The following ABCA8 variants were observed in gnomAD, a reference collection of about 807,000 sequenced individuals.
The protein encoded by ABCA8 is ABC-type organic anion transporter ABCA8.
Under a neutral mutation model 192.3 loss-of-function variants are expected in ABCA8, and 177 were observed. The ratio of observed to expected loss-of-function variants is 0.92; its 90% CI spans 0.81 to 1.04. The LOEUF is 1.04. ABCA8 is among the 50% of genes least tolerant of loss of function. ABCA8 has a pLI of 0.00. For synonymous variants in ABCA8, 642 were observed against 690.2 expected (o/e 0.93, Z 1.09); for missense variants, 1,915 against 1,904.8 (o/e 1.01, Z -0.10).
At chr17:68,924,359 G>A (rs1293034180) in intron 11 of ABCA8, among the ~76,000 whole-genome samples, 8 of 137,000 alleles carry the variant, frequency 5.8e-5, no homozygotes, top group South Asian at 2.3e-4. Flanking sequence ...AAAAAAAAAA[G>A]GGAGATAGAT....
chr17:68,933,992 T>G (rs1325072446), intron 5 of ABCA8, among the ~76,000 whole-genome samples: 4 of 152,076 alleles, frequency 2.6e-5, no homozygotes, highest in Non-Finnish European at 5.9e-5. Context: ...AATTAGAATC[T>G]CTTGTGCACT....
chr17:68,895,018 G>A lies in ABCA8; in HGVS notation c.2765-5C>T. 1 of 1,591,384 alleles carries A rather than the reference G, an allele frequency of 6.3e-7. No individual in the cohort carries two copies. The highest frequency in any genetic ancestry group is 8.5e-7 in the Non-Finnish European group (1 of 1,171,284). On this transcript the variant is annotated splice_region_variant and splice_polypyrimidine_tract_variant and intron_variant, in intron 21 of 39. Coordinates refer to ENST00000586539, the MANE Select transcript of ABCA8 (RefSeq NM_001288985.2). ...TAAAGTCATCAATGCTTGCCCCTAA[G>A]GTGTAGTTAAAGATATTAGGTATCA...
chr17:68,919,423 G>T lies in ABCA8; in HGVS notation c.1666C>A (p.Leu556Ile), dbSNP rs781704003. Residue 556 changes from leucine to isoleucine, a missense_variant, in exon 14 of 40, where the codon CTC becomes ATC. By Grantham distance (5) the Leu-to-Ile change is conservative. Transcript: ENST00000586539. ...KLSEMADLENLSKLTGVCPQS... is the reference protein window; with the variant it reads ...KLSEMADLENISKLTGVCPQS... ...GGACAAACTCCGGTCAGCTTGCTGA[G>T]ATTTTCTAGGTCAGCCATTTCTGAA... is the stretch of plus-strand genomic sequence containing the variant. 6.2e-7 allele frequency: 1 copy of T among 1,614,020 alleles called. No individual in the cohort carries two copies. The highest frequency in any genetic ancestry group is 2.2e-5 in the East Asian group (1 of 44,872).
At chr17:68,871,093 A>G (rs1292772830) in intron 37 of ABCA8, among the ~76,000 whole-genome samples, 1 of 152,150 alleles carries the variant, frequency 6.6e-6, no homozygotes, top group African/African-American at 2.4e-5. Flanking sequence ...TATAATAAAA[A>G]TAATTTATTT....
At chr17:68,916,751 T>C (rs187942281) in intron 17 of ABCA8, among the ~76,000 whole-genome samples, 4 of 152,092 alleles carry the variant, frequency 2.6e-5, no homozygotes, top group Admixed American at 1.3e-4. Flanking sequence ...TGAGAGATGA[T>C]GAAGGTGTAA....
At chr17:68,909,548 A>G (rs1476889564) in intron 17 of ABCA8, among the ~76,000 whole-genome samples, 1 of 152,206 alleles carries the variant, frequency 6.6e-6, no homozygotes, top group East Asian at 1.9e-4. Flanking sequence ...TTATGTTTCC[A>G]TGCAGTGTGC....
rs1344089668 is a variant in ABCA8, at chr17:68,867,821, A to G, written c.*264T>C. ...AACTTATACGATCATGTAAAAGTAA[A>G]TTTATTTATTCAGTATTATACAGAA... On this transcript the variant is annotated 3_prime_UTR_variant, in exon 40 of 40. Transcript: ENST00000586539. The G allele has an allele frequency of 3.7e-5, 10 of 271,940 alleles. No homozygotes were observed. Among genetic ancestry groups the G allele is most frequent in the Admixed American group, 2.6e-4 (5 of 19,452 alleles). The allele number at this position is 271,940 out of a possible 1,614,324, so 16.8% of individuals were successfully genotyped here.
At chr17:68,904,528 G>A (rs2067011456) in intron 19 of ABCA8, among the ~76,000 whole-genome samples, 1 of 151,826 alleles carries the variant, frequency 6.6e-6, no homozygotes, top group Admixed American at 6.6e-5. Context: ...TCATCTTTAG[G>A]GACATGGCAG....
At chr17:68,922,690 T>C (rs1165955652) in intron 11 of ABCA8, among the ~76,000 whole-genome samples, 1 of 152,050 alleles carries the variant, frequency 6.6e-6, no homozygotes, top group African/African-American at 2.4e-5. Context: ...CTGGCACAGG[T>C]TGGAAAGATC....
intron 23 of ABCA8, among the ~76,000 whole-genome samples, chr17:68,893,712 T>G (rs1003067538): frequency 4.4e-5 from 6 of 137,396 alleles, no homozygotes; most frequent in African/African-American, 1.7e-4. Context: ...TTTTATTGCT[T>G]CATATTCTCT....
At chr17:68,877,474 C>T (rs376009656) in intron 33 of ABCA8, 45 bp downstream of exon 33, 16 of 1,531,002 alleles carry the variant, frequency 1.0e-5, no homozygotes, top group Non-Finnish European at 1.4e-5. Context: ...TCAACCTCCT[C>T]CACCCCTCCC....
intron 21 of ABCA8, among the ~76,000 whole-genome samples, chr17:68,900,971 C>T (rs2066894413): frequency 7.2e-6 from 1 of 139,416 alleles, no homozygotes. Flanking sequence ...TCATTTTAAA[C>T]AGCAAAATCA....
In ABCA8 at chr17:68,903,301, A is replaced by C. The variant is rs1567845108; in HGVS notation, c.2597T>G (p.Leu866Arg). The C allele has an allele frequency of 6.2e-7, 1 of 1,614,106 alleles. No individual in the cohort carries two copies. Among genetic ancestry groups the C allele is most frequent in the Admixed American group, 1.7e-5 (1 of 60,016 alleles). ...LKHERKALLA[L>R]LLILMAGFCP... is the part of the protein sequence containing the mutation. ...AACCTATGGCAACTCTGATACTTAC[A>C]GTGCTAAAAGAGCTTTTCTTTCATG... The change falls in exon 20 of 40, where the codon CTG becomes CGG. Residue 866 changes from leucine (L) to arginine (R), a missense_variant and splice_region_variant. Physicochemically the swap from Leu to Arg is moderately radical, Grantham distance 102. Coordinates refer to ENST00000586539, the MANE Select transcript of ABCA8 (RefSeq NM_001288985.2).
At chr17:68,927,841 A>G in intron 10 of ABCA8, 75 bp downstream of exon 10, 1 of 1,133,124 alleles carries the variant, frequency 8.8e-7, no homozygotes. Flanking sequence ...TATAAATAGT[A>G]TATCCATTAG....
At chr17:68,922,192 CTCTTTTTTTTTTTTTTTTTT>C (rs2067554149) in intron 12 of ABCA8, 30 bp downstream of exon 12, 3 of 477,774 alleles carry the variant, frequency 6.3e-6, no homozygotes, top group African/African-American at 8.4e-5. Context: ...CTTTCTCTCT[CTCTTTTTTTTTTTTTTTTTT>C]TTTTTTTTTT....
chr17:68,894,274 A>G lies in ABCA8; in HGVS notation c.2935T>C (p.Leu979=). The G allele has an allele frequency of 5.0e-6, 8 of 1,611,700 alleles. No individual in the cohort carries two copies. Among genetic ancestry groups the G allele is most frequent in the Middle Eastern group, 1.8e-4 (1 of 5,448 alleles). ...TCCATAAGAACTGGGAAGCAATTCAATCTTTTGGCATTGCATGCTAACGAA... is the reference window on the plus strand; with the variant it reads ...TCCATAAGAACTGGGAAGCAATTCAGTCTTTTGGCATTGCATGCTAACGAA... The part of the protein sequence containing the change: ...SFSLACNAKR[L]NCFPVLMDIV... Residue 979 remains leucine (L), a synonymous_variant, in exon 23 of 40, where the codon TTG becomes CTG. Coordinates refer to ENST00000586539, the MANE Select transcript of ABCA8 (RefSeq NM_001288985.2).
intron 34 of ABCA8, 35 bp from the exon 35 acceptor site, chr17:68,876,589 C>T: frequency 1.2e-6 from 2 of 1,614,170 alleles, no homozygotes; most frequent in Non-Finnish European, 1.7e-6. Flanking sequence ...TGGTTCCCAT[C>T]TATGGCACTT....
Position 68,881,155 on chromosome 17 carries a change from C to T in ABCA8, c.4003G>A (p.Val1335Met), listed in dbSNP as rs2066325976. Residue 1335 changes from valine to methionine, a missense_variant, in exon 32 of 40, where the codon GTG becomes ATG. Coordinates refer to ENST00000586539, the MANE Select transcript of ABCA8 (RefSeq NM_001288985.2). Reference protein sequence around the residue: ...NGAGKSTSIKVITGDTKPTAG... With the variant: ...NGAGKSTSIKMITGDTKPTAG... ...GTTGGTTTTGTGTCTCCAGTTATCA[C>T]CTTAATGGATGTGCTTTTACCAGCT... 1 of 1,613,834 alleles carries T rather than the reference C, an allele frequency of 6.2e-7. No individual in the cohort carries two copies. The highest frequency in any genetic ancestry group is 1.7e-5 in the Admixed American group (1 of 59,996).
intron 23 of ABCA8, 40 bp downstream of exon 23, chr17:68,894,133 A>G (rs975084917): frequency 1.2e-6 from 2 of 1,604,784 alleles, no homozygotes; most frequent in African/African-American, 2.7e-5. Flanking sequence ...GAGATTCCTG[A>G]TAGAGGAGAG....
Sources: allele counts gnomAD v4.1 joint callset (sites outside exome capture counted in the v4.1 genomes callset), GRCh38; gene constraint gnomAD v4.1.1; transcripts MANE v1.5; gene names NCBI Gene and HGNC (gene_info 2026-07-23, HGNC 2026-07-21).